The following TRDN variants were observed in gnomAD, a reference collection of about 807,000 sequenced individuals.
TRDN encodes triadin, also known as triadin in skeletal muscle.
TRDN carries 161 observed loss-of-function variants against 149.7 expected under a neutral mutation model. The ratio of observed to expected loss-of-function variants is 1.08; its 90% confidence interval spans 0.95 to 1.23. The LOEUF (loss-of-function observed/expected upper bound fraction) is 1.23. Among genes scored for constraint, TRDN ranks in the 50% most tolerant of loss-of-function variants. The probability of loss-of-function intolerance (pLI) is 0.00; values close to 1 mark genes in which losing one functional copy is unlikely to be tolerated. For missense variants in TRDN, 896 were observed against 823.5 expected (o/e 1.09, Z -1.08); for synonymous variants, 294 against 250.5 (o/e 1.17, Z -1.64).
chr6:123,311,855 C>G (rs867426022), intron 24 of TRDN, among the ~76,000 whole-genome samples: 2 of 151,848 alleles, frequency 1.3e-5, no homozygotes, highest in African/African-American at 2.4e-5. Context: ...GGATGTATGA[C>G]AGCGTCAATC....
At chr6:123,386,777 T>C (rs1781919705) in intron 14 of TRDN, among the ~76,000 whole-genome samples, 1 of 152,188 alleles carries the variant, frequency 6.6e-6, no homozygotes, top group Non-Finnish European at 1.5e-5. Flanking sequence ...TTGTGTTGCA[T>C]TATCTGGCCC....
intron 12 of TRDN, among the ~76,000 whole-genome samples, chr6:123,417,365 C>T (rs1773700138): frequency 6.6e-6 from 1 of 152,158 alleles, no homozygotes; most frequent in Non-Finnish European, 1.5e-5. Flanking sequence ...GTTTTACTTT[C>T]AGCTAACTGA....
intron 10 of TRDN, among the ~76,000 whole-genome samples, chr6:123,441,519 T>C (rs919278144): frequency 3.9e-5 from 6 of 152,344 alleles, no homozygotes; most frequent in East Asian, 1.9e-4. Flanking sequence ...GGCTGTATTC[T>C]GGCAGGGATC....
intron 1 of TRDN, among the ~76,000 whole-genome samples, chr6:123,626,347 G>A (rs914064603): frequency 2.0e-5 from 3 of 152,106 alleles, no homozygotes; most frequent in Non-Finnish European, 4.4e-5. Flanking sequence ...GCCTGGCAGT[G>A]TGATGCACAC....
rs768727745 is a variant in TRDN at position 123,267,101 on chromosome 6, CAA to C, written c.1783+604_1783+605del. On this transcript the variant is annotated intron_variant, in intron 32 of 40. Transcript: ENST00000334268. ...CAGCCTGGAGAGAGAGATTTTGTCT[CAA>C]AAAAAAAAAAAGAAGTAACAGTGAT... 1.1e-3 allele frequency among the ~76,000 whole-genome samples: 77 copies of C among 69,328 alleles called. 5 individuals are homozygous for C. The highest frequency in any genetic ancestry group is 4.9e-3 in the African/African-American group (69 of 14,116). 45.5% of individuals were successfully genotyped at this position (69,328 alleles called of 152,430 possible).
At chr6:123,571,178 T>C (rs975049665) in intron 1 of TRDN, 46 bp from the exon 2 acceptor site, 1 of 1,590,564 alleles carries the variant, frequency 6.3e-7, no homozygotes, top group African/African-American at 1.3e-5. Flanking sequence ...AGATTCATGG[T>C]AAATATTGAT....
chr6:123,395,122 G>A (rs1166698961), intron 12 of TRDN, among the ~76,000 whole-genome samples: 1 of 152,054 alleles, frequency 6.6e-6, no homozygotes, highest in Non-Finnish European at 1.5e-5. Context: ...AAATTTTAAA[G>A]AAAAAGATTT....
At chr6:123,497,000 G>T (rs552068761) in intron 9 of TRDN, among the ~76,000 whole-genome samples, 193 bp downstream of exon 9, 1 of 151,886 alleles carries the variant, frequency 6.6e-6, no homozygotes, top group African/African-American at 2.4e-5. Context: ...ATTTGCAATA[G>T]GCCATGCAGT....
At chr6:123,508,061 C>A (rs1779011913) in intron 7 of TRDN, among the ~76,000 whole-genome samples, 1 of 151,790 alleles carries the variant, frequency 6.6e-6, no homozygotes, top group Non-Finnish European at 1.5e-5. Context: ...TAACACTGAG[C>A]AAAATAACTT....
intron 20 of TRDN, among the ~76,000 whole-genome samples, chr6:123,361,615 T>C (rs999781195): frequency 3.3e-5 from 5 of 152,142 alleles, no homozygotes; most frequent in African/African-American, 7.2e-5. Flanking sequence ...CATCATCATT[T>C]CTCATATACT....
chr6:123,373,467 A>C (rs1187993525), intron 19 of TRDN, among the ~76,000 whole-genome samples: 2 of 152,212 alleles, frequency 1.3e-5, no homozygotes, highest in South Asian at 2.1e-4. Context: ...ATGAAAAGGG[A>C]CTAATATATG....
At chr6:123,368,404 T>G (rs1417860719) in intron 19 of TRDN, among the ~76,000 whole-genome samples, 2 of 152,214 alleles carry the variant, frequency 1.3e-5, no homozygotes, top group African/African-American at 4.8e-5. Flanking sequence ...AGAATCATTC[T>G]TAACCCTGTC....
At chr6:123,455,432 G>C (rs1204008572) in intron 10 of TRDN, among the ~76,000 whole-genome samples, 3 of 149,606 alleles carry the variant, frequency 2.0e-5, no homozygotes, top group Admixed American at 1.3e-4. Flanking sequence ...GTGTGTGTGT[G>C]TGTGTGTCTG....
At chr6:123,609,487 T>A (rs1455547345) in intron 1 of TRDN, among the ~76,000 whole-genome samples, 1 of 152,182 alleles carries the variant, frequency 6.6e-6, no homozygotes, top group East Asian at 1.9e-4. Context: ...CTCAAGCATA[T>A]GTTATTTGTG....
chr6:123,293,567 G>A (rs1414238519), intron 24 of TRDN, among the ~76,000 whole-genome samples: 1 of 152,078 alleles, frequency 6.6e-6, no homozygotes, highest in African/African-American at 2.4e-5. Context: ...AAAGGTAGGA[G>A]TACCCCCCTT....
chr6:123,260,802 G>A (rs547208434), intron 33 of TRDN, among the ~76,000 whole-genome samples, 164 bp from the exon 34 acceptor site: 2 of 151,838 alleles, frequency 1.3e-5, no homozygotes, highest in African/African-American at 4.8e-5. Flanking sequence ...ATGTACTGAT[G>A]ATTAATATTT....
intron 1 of TRDN, among the ~76,000 whole-genome samples, chr6:123,605,557 G>A (rs1784491005): frequency 6.8e-6 from 1 of 147,008 alleles, no homozygotes; most frequent in South Asian, 2.1e-4. Context: ...GAGGCCTAGT[G>A]TTCGAGACCA....
intron 16 of TRDN, among the ~76,000 whole-genome samples, chr6:123,378,617 T>C (rs1440983984): frequency 1.3e-5 from 2 of 152,118 alleles, no homozygotes; most frequent in Admixed American, 1.3e-4. Flanking sequence ...GCACCGCAGC[T>C]TATTGCAGTT....
rs949446201 is a variant in TRDN, at chr6:123,216,395, G to T, written c.*2206C>A. The T allele has an allele frequency of 6.6e-6, 1 of 151,860 alleles. No individual in the cohort carries two copies. Among genetic ancestry groups the T allele is most frequent in the Non-Finnish European group, 1.5e-5 (1 of 67,916 alleles). 9.4% of individuals were successfully genotyped at this position (151,860 alleles called of 1,614,324 possible). A position where few individuals can be genotyped will look rare whatever the true frequency, so the allele number is the denominator to read the frequency against. On this transcript the variant is annotated 3_prime_UTR_variant, in exon 41 of 41. Coordinates refer to ENST00000334268, the MANE Select transcript of TRDN (RefSeq NM_006073.4). ...TAATATATAAACAAATGACAGTTCA[G>T]ATAATATTTTTAAAGTGCTATGATC...
Sources: gnomAD v4.1 joint callset for allele counts (sites outside exome capture counted in the v4.1 genomes callset) on GRCh38, gnomAD v4.1.1 for gene constraint, MANE v1.5 for transcripts, NCBI Gene and HGNC (gene_info 2026-07-23, HGNC 2026-07-21) for gene names.